Variants in TRANK1 observed in about 807,000 individuals in gnomAD.
TRANK1 encodes the protein tetratricopeptide repeat and ankyrin repeat containing 1.
TRANK1 carries 198 observed loss-of-function variants against 266.0 expected under a neutral mutation model. The ratio of observed to expected loss-of-function variants is 0.74; its 90% confidence interval spans 0.66 to 0.84. The LOEUF is 0.84. TRANK1 is among the 40% of genes least tolerant of loss of function. The pLI is 0.00. For missense variants in TRANK1, 3,326 were observed against 3,634.6 expected, an observed-to-expected ratio of 0.92 and a Z score of 2.18; for synonymous variants, 1,396 against 1,384.1, an observed-to-expected ratio of 1.01 and a Z score of -0.19.
chr3:36,886,471 A>G (rs978526304), intron 8 of TRANK1, among the ~76,000 whole-genome samples: 2 of 152,138 alleles, frequency 1.3e-5, no homozygotes, highest in African/African-American at 4.8e-5. Context: ...TTCTGTGTTT[A>G]TAAGAAATAG....
At position 36,882,765 on chromosome 3, in the gene TRANK1, A is replaced by G. The variant is rs922159296; in HGVS notation, c.907+7064T>C. Among the ~76,000 whole-genome samples, 4 of 152,270 alleles carry G rather than the reference A, an allele frequency of 2.6e-5. 1 individual carries two copies. The highest frequency in any genetic ancestry group is 6.5e-5 in the Admixed American group (1 of 15,288). ...ACAGACAAGAGCTAATGAGCGAAGA[A>G]TTCTTAAAAATTGAGGACAAAGGAC... On this transcript the variant is annotated intron_variant, in intron 8 of 23. Transcript: ENST00000645898.
At position 36,832,351 on chromosome 3, in the gene TRANK1, T is replaced by C. The variant is rs769152979; in HGVS notation, c.7232A>G (p.Glu2411Gly). The C allele has an allele frequency of 1.9e-6, 3 of 1,614,022 alleles. No individual in the cohort carries two copies. Among genetic ancestry groups the C allele is most frequent in the Non-Finnish European group, 2.5e-6 (3 of 1,179,900 alleles). ...KTHLCFIRLL[E>G]NCIDQFYVYR... ...CACGTAGAATTGATCAATGCAATTC[T>C]CCAGAAGCCGGATGAAGCACAGGTG... Residue 2411 changes from glutamate (E) to glycine (G), a missense_variant, in exon 22 of 24, where the codon GAG becomes GGG. Transcript: ENST00000645898.
At chr3:36,925,923 T>A (rs2080282225) in intron 1 of TRANK1, among the ~76,000 whole-genome samples, 1 of 152,162 alleles carries the variant, frequency 6.6e-6, no homozygotes, top group Non-Finnish European at 1.5e-5. Context: ...TTTATTCAGT[T>A]CTACTGCAGG....
In TRANK1 at chr3:36,857,773, A is replaced by T; in HGVS notation, c.1949T>A (p.Met650Lys). 6.2e-7 allele frequency: 1 copy of T among 1,613,992 alleles called. No individual in the cohort carries two copies. The highest frequency in any genetic ancestry group is 8.5e-7 in the Non-Finnish European group (1 of 1,179,886). ...SLLLAWNKAL[M>K]ENRRRSRQDS... ...CTGCCGGCTCCTCCTCCTGTTCTCC[A>T]TCAGAGCTTTGTTCCAGGCCAAGAG... is the stretch of plus-strand genomic sequence containing the variant. The change falls in exon 13 of 24, where the codon ATG becomes AAG. Residue 650 changes from methionine (M) to lysine (K), a missense_variant. Coordinates refer to ENST00000645898, the MANE Select transcript of TRANK1 (RefSeq NM_001329998.2). This position sits in a 1 kb window ranked among gnomAD's most constrained non-coding sequence, Gnocchi z 4.3.
intron 9 of TRANK1, among the ~76,000 whole-genome samples, chr3:36,865,020 T>TTTGG (rs2079194565): frequency 7.3e-6 from 1 of 137,838 alleles, no homozygotes; most frequent in Admixed American, 7.6e-5. Flanking sequence ...TTTTTGTTTT[T>TTTGG]TTGGTTTTTT....
rs145558666 is a variant in TRANK1, at chr3:36,939,764, A to G, written c.23+5023T>C. Among the ~76,000 whole-genome samples, 247 of 152,348 alleles carry G rather than the reference A, an allele frequency of 1.6e-3. 1 individual carries two copies. The highest frequency in any genetic ancestry group is 5.6e-3 in the African/African-American group (233 of 41,586). ...ACATTCCAGTACAGGTACATCTGTA[A>G]AATGGTACTTGCTCAAAATATTTAT... On this transcript the variant is annotated intron_variant, in intron 1 of 23. Transcript: ENST00000645898.
At chr3:36,940,692 T>C (rs2080485536) in intron 1 of TRANK1, among the ~76,000 whole-genome samples, 1 of 152,158 alleles carries the variant, frequency 6.6e-6, no homozygotes, top group South Asian at 2.1e-4. Flanking sequence ...CCACTAATCC[T>C]TTTCCACAGG....
intron 11 of TRANK1, among the ~76,000 whole-genome samples, chr3:36,859,420 AC>A (rs896469799): frequency 4.0e-5 from 6 of 150,254 alleles, no homozygotes; most frequent in Admixed American, 1.3e-4. Flanking sequence ...CCCTCCGCTA[AC>A]CCCCCACCTC....
intron 10 of TRANK1, among the ~76,000 whole-genome samples, chr3:36,862,450 G>A (rs1283712219): frequency 6.6e-6 from 1 of 152,170 alleles, no homozygotes; most frequent in Admixed American, 6.5e-5. Flanking sequence ...CAGAATAAAA[G>A]TGTAAAAGGC....
At chr3:36,922,955 C>T (rs1453839327) in intron 1 of TRANK1, among the ~76,000 whole-genome samples, 2 of 152,144 alleles carry the variant, frequency 1.3e-5, no homozygotes, top group African/African-American at 4.8e-5. Flanking sequence ...ATCAGATAAA[C>T]TATAAGTCTG....
At chr3:36,834,628 C>T (rs1452957390) in intron 21 of TRANK1, 134 bp downstream of exon 21, 4 of 983,278 alleles carry the variant, frequency 4.1e-6, no homozygotes, top group Non-Finnish European at 5.9e-6. Context: ...GCACTGAGGC[C>T]ATCGCTTAAG....
In TRANK1 at chr3:36,889,857, A is replaced by T. The variant is rs769248631; in HGVS notation, c.879T>A (p.Ala293=). 1.4e-5 allele frequency: 21 copies of T among 1,537,086 alleles called. No individual in the cohort carries two copies. The East Asian group carries it at 4.9e-4, about 36-fold the overall frequency. Residue 293 remains alanine (A), a synonymous_variant, in exon 8 of 24, where the codon GCT becomes GCA. Coordinates refer to ENST00000645898, the MANE Select transcript of TRANK1 (RefSeq NM_001329998.2). ...GDGCTVLHVV[A]AHSPGYLVKR... Reference sequence around the variant, plus strand: ...TAACGAGGTATCCTGGGGAGTGGGCAGCGACGACGTGCAGGACAGTGCAGC... The same window carrying T: ...TAACGAGGTATCCTGGGGAGTGGGCTGCGACGACGTGCAGGACAGTGCAGC...
intron 9 of TRANK1, among the ~76,000 whole-genome samples, chr3:36,867,159 C>T (rs1163118920): frequency 6.6e-6 from 1 of 151,652 alleles, no homozygotes; most frequent in African/African-American, 2.4e-5. Context: ...CCTAAAATAC[C>T]TATGAAGACA....
intron 8 of TRANK1, among the ~76,000 whole-genome samples, chr3:36,879,275 A>AT (rs1402267255): frequency 6.6e-6 from 1 of 151,894 alleles, no homozygotes; most frequent in Non-Finnish European, 1.5e-5. Flanking sequence ...GACTATGAGA[A>AT]TTTTCCCCAA....
chr3:36,850,700 T>C (rs1022585513), intron 15 of TRANK1: 1 of 974,684 alleles, frequency 1.0e-6, no homozygotes, highest in Non-Finnish European at 1.2e-6. Flanking sequence ...CTTCAAAAAG[T>C]ACTCTGTAAA....
In TRANK1 at chr3:36,861,130, T is replaced by C; in HGVS notation, c.1271A>G (p.Asn424Ser). The change falls in exon 11 of 24, where the codon AAT becomes AGT. Residue 424 changes from asparagine to serine, a missense_variant. Physicochemically the swap from Asn to Ser is conservative, Grantham distance 46. Coordinates refer to ENST00000645898, the MANE Select transcript of TRANK1 (RefSeq NM_001329998.2). ...GAAGACGGTGGTGGCACAGTCTTGA[T>C]TAATATCACAGACCAGGTCAGGAGG... ...EIPPDLVCDI[N>S]QDCATTVFKF... is the part of the protein sequence containing the mutation. 1 of 1,537,342 alleles carries C rather than the reference T, an allele frequency of 6.5e-7. No individual in the cohort carries two copies. The highest frequency in any genetic ancestry group is 1.2e-5 in the South Asian group (1 of 84,060).
chr3:36,864,297 T>G (rs1197629466), intron 10 of TRANK1, 22 bp downstream of exon 10: 1 of 1,490,498 alleles, frequency 6.7e-7, no homozygotes. Flanking sequence ...TTAACATCAT[T>G]GAACGTTGTG....
intron 20 of TRANK1, among the ~76,000 whole-genome samples, chr3:36,835,926 T>C (rs1446818165): frequency 6.6e-6 from 1 of 152,194 alleles, no homozygotes; most frequent in African/African-American, 2.4e-5. Flanking sequence ...AGAAAAAGAC[T>C]TTCCTCGAGA....
chr3:36,850,354 G>T (rs568680637), intron 15 of TRANK1: 1 of 985,420 alleles, frequency 1.0e-6, no homozygotes, highest in South Asian at 4.7e-5. Context: ...AATTCAATTC[G>T]CATGCGAGGC....
Sources: gnomAD v4.1 joint callset for allele counts (sites outside exome capture counted in the v4.1 genomes callset) on GRCh38, gnomAD v4.1.1 for gene constraint, Gnocchi (gnomAD v3.1) non-coding constraint, MANE v1.5 for transcripts, NCBI Gene and HGNC (gene_info 2026-07-23, HGNC 2026-07-21) for gene names.